The following ADAMTS14 variants were observed in gnomAD, a reference collection of about 807,000 sequenced individuals.
ADAMTS14 encodes ADAM metallopeptidase with thrombospondin type 1 motif 14, also known as A disintegrin and metalloproteinase with thrombospondin motifs 14.
A neutral mutation model predicts 128.6 loss-of-function variants in ADAMTS14; 100 were observed. The ratio of observed to expected loss-of-function variants is 0.78; its 90% CI spans 0.66 to 0.92. The LOEUF (loss-of-function observed/expected upper bound fraction) is 0.92, where lower values mean the gene tolerates loss of function less well. ADAMTS14 is among the 40% of genes least tolerant of loss of function. The pLI, the probability that ADAMTS14 is intolerant of heterozygous loss-of-function variation, is 0.00. For synonymous variants in ADAMTS14, 665 were observed against 653.8 expected, an observed-to-expected ratio of 1.02 and a Z score of -0.26; for missense variants, 1,562 against 1,658.6, an observed-to-expected ratio of 0.94 and a Z score of 1.01.
chr10:70,737,737 G>T (rs938107403), intron 10 of ADAMTS14, among the ~76,000 whole-genome samples: 1 of 152,156 alleles, frequency 6.6e-6, no homozygotes, highest in Non-Finnish European at 1.5e-5. Flanking sequence ...TGTTTTCAAA[G>T]TTCCAGACCC....
At chr10:70,705,759 G>A (rs1475519395) in intron 3 of ADAMTS14, among the ~76,000 whole-genome samples, 1 of 152,198 alleles carries the variant, frequency 6.6e-6, no homozygotes, top group African/African-American at 2.4e-5. Context: ...CCATGGGATC[G>A]CCTGTCTTGA....
intron 16 of ADAMTS14, 58 bp from the exon 17 acceptor site, chr10:70,751,420 G>A (rs555995484): frequency 6.5e-7 from 1 of 1,548,772 alleles, no homozygotes; most frequent in Non-Finnish European, 8.8e-7. Flanking sequence ...TCCCCTCCCA[G>A]TGCATGCCGC....
In ADAMTS14 at chr10:70,702,420, G is replaced by C; in HGVS notation, c.631G>C (p.Ala211Pro). The change falls in exon 3 of 22, where the codon GCC (alanine) becomes CCC (proline). Residue 211 changes from alanine (A) to proline (P), a missense_variant. By Grantham distance (27) the Ala-to-Pro change is conservative. Coordinates refer to ENST00000373207, the MANE Select transcript of ADAMTS14 (RefSeq NM_080722.4). Reference protein sequence around the residue: ...GRTHVVYRREAVQQEWAEPDG... With the variant: ...GRTHVVYRREPVQQEWAEPDG... The stretch of plus-strand genomic sequence containing the variant: ...GACACATGTGGTGTACCGCCGGGAG[G>C]CCGTCCAGCAGGAGTGGGCAGAACC... 6.2e-7 allele frequency: 1 copy of C among 1,613,788 alleles called. No individual in the cohort carries two copies. The highest frequency in any genetic ancestry group is 1.1e-5 in the South Asian group (1 of 91,008).
At chr10:70,702,550 C>G in intron 3 of ADAMTS14, 82 bp downstream of exon 3, 1 of 1,489,368 alleles carries the variant, frequency 6.7e-7, no homozygotes, top group South Asian at 1.4e-5. Flanking sequence ...CTTAAGCTGT[C>G]CATGTCTGGC....
At chr10:70,695,695 G>T (rs189640145) in intron 2 of ADAMTS14, among the ~76,000 whole-genome samples, 1 of 152,254 alleles carries the variant, frequency 6.6e-6, no homozygotes, top group Non-Finnish European at 1.5e-5. Context: ...GGGTCTGGAA[G>T]TCAAACCCAG....
chr10:70,686,001 TTC>T (rs926598933), intron 2 of ADAMTS14, among the ~76,000 whole-genome samples: 26 of 152,332 alleles, frequency 1.7e-4, no homozygotes, highest in African/African-American at 6.0e-4. Flanking sequence ...CTTCTGGTGT[TTC>T]TCAGACTCAA....
In ADAMTS14 at chr10:70,760,579, C is replaced by G. The variant is rs1490396233; in HGVS notation, c.3398C>G (p.Pro1133Arg). Reference sequence around the variant, plus strand: ...CAGGACCCTGCAGATGCTGCAGAGCCTCCTGGAAAGCCAACGGGATCAGAG... The same window carrying G: ...CAGGACCCTGCAGATGCTGCAGAGCGTCCTGGAAAGCCAACGGGATCAGAG... Reference protein sequence around the residue: ...GPQDPADAAEPPGKPTGSEDH... With the variant: ...GPQDPADAAERPGKPTGSEDH... The change falls in exon 22 of 22, where the codon CCT becomes CGT. Residue 1133 changes from proline (P) to arginine (R), a missense_variant. Transcript: ENST00000373207. 69 of 1,613,726 alleles carry G rather than the reference C, an allele frequency of 4.3e-5. No individual in the cohort carries two copies. Among genetic ancestry groups the G allele is most frequent in the Non-Finnish European group, 5.7e-5 (67 of 1,179,904 alleles).
At chr10:70,718,221 T>G (rs569525811) in intron 4 of ADAMTS14, among the ~76,000 whole-genome samples, 1 of 152,210 alleles carries the variant, frequency 6.6e-6, no homozygotes, top group Non-Finnish European at 1.5e-5. Context: ...GAGCTCATCC[T>G]CCTTGACACG....
chr10:70,728,690 A>G (rs1201191865), intron 4 of ADAMTS14, among the ~76,000 whole-genome samples: 1 of 152,258 alleles, frequency 6.6e-6, no homozygotes, highest in African/African-American at 2.4e-5. Flanking sequence ...AAACTTGCCT[A>G]TGCCTGCCAG....
intron 11 of ADAMTS14, among the ~76,000 whole-genome samples, chr10:70,739,867 T>C (rs1841942106): frequency 6.6e-6 from 1 of 152,212 alleles, no homozygotes; most frequent in Non-Finnish European, 1.5e-5. Context: ...AATATAGCCG[T>C]ATAGTTAATA....
chr10:70,752,197 G>A lies in ADAMTS14; in HGVS notation c.2699G>A (p.Arg900His), dbSNP rs747059045. The A allele has an allele frequency of 6.2e-5, 100 of 1,613,640 alleles. No individual in the cohort carries two copies. The highest frequency in any genetic ancestry group is 1.6e-4 in the Middle Eastern group (1 of 6,078). Residue 900 changes from arginine (R) to histidine (H), a missense_variant, in exon 18 of 22, where the codon CGC (arginine) becomes CAC (histidine). By Grantham distance (29) the Arg-to-His change is conservative. Transcript: ENST00000373207. ...HKKRPKPIRR[R>H]CNQHPCSQPV... is the part of the protein sequence containing the mutation. ...AAGAGGCCCAAGCCCATCCGCCGGC[G>A]CTGCAACCAGCACCCGTGCTCTCAG...
intron 2 of ADAMTS14, among the ~76,000 whole-genome samples, chr10:70,676,824 A>C (rs59161953): frequency 0.046 from 6,998 of 152,274 alleles, 534 homozygotes; most frequent in African/African-American, 0.16. Context: ...TACAGTATCC[A>C]TGCAGGTAGA....
rs199765819 is a variant in ADAMTS14, at chr10:70,708,787, C to T, written c.870+9C>T. The T allele has an allele frequency of 4.9e-4, 742 of 1,522,214 alleles. 5 individuals carry two copies. In the African/African-American group the frequency reaches 9.3e-3, roughly 19 times the overall value. 94.3% of individuals were successfully genotyped at this position (1,522,214 alleles called of 1,614,324 possible). ...TCACCCTCATGAATATCGTGAGTGT[C>T]CATGTGTCCTAGGACTTGGGGGGAG... On this transcript the variant is annotated intron_variant, in intron 4 of 21. Transcript: ENST00000373207.
intron 2 of ADAMTS14, among the ~76,000 whole-genome samples, chr10:70,680,692 C>T (rs562093350): frequency 1.3e-5 from 2 of 152,114 alleles, no homozygotes; most frequent in Non-Finnish European, 2.9e-5. Context: ...TGGTTTATGG[C>T]AGGGCCTTAA....
chr10:70,750,013 C>A (rs1302425854), intron 16 of ADAMTS14, 28 bp downstream of exon 16: 1 of 1,607,256 alleles, frequency 6.2e-7, no homozygotes, highest in Admixed American at 1.7e-5. Flanking sequence ...CGGTGGCAAC[C>A]CCTGCCCACC....
chr10:70,735,831 C>A (rs10999499), intron 9 of ADAMTS14, among the ~76,000 whole-genome samples: 27,446 of 152,204 alleles, frequency 0.18, 3,095 homozygotes, highest in Non-Finnish European at 0.26. Flanking sequence ...CAGCTAGAGT[C>A]CCCTAGGAGA....
intron 4 of ADAMTS14, among the ~76,000 whole-genome samples, chr10:70,719,725 A>T (rs1255511740): frequency 6.6e-6 from 1 of 152,210 alleles, no homozygotes; most frequent in African/African-American, 2.4e-5. Flanking sequence ...GTTTTAAACT[A>T]ACAGATGCCA....
In ADAMTS14 at chr10:70,709,212, G is replaced by A. The variant is rs895537089; in HGVS notation, c.870+434G>A. Among the ~76,000 whole-genome samples, 6 of 152,270 alleles carry A rather than the reference G, an allele frequency of 3.9e-5. No homozygotes were observed. In the South Asian group the frequency reaches 1.0e-3, roughly 26 times the overall value. ...CACCCCCAGGCTGGGGAGACTGGCC[G>A]AGGAGCTGTCAATATGTGAAGTGGG... is the stretch of plus-strand genomic sequence containing the variant. On this transcript the variant is annotated intron_variant, in intron 4 of 21. Coordinates refer to ENST00000373207, the MANE Select transcript of ADAMTS14 (RefSeq NM_080722.4).
At chr10:70,726,851 G>A (rs571747236) in intron 4 of ADAMTS14, among the ~76,000 whole-genome samples, 5 of 151,624 alleles carry the variant, frequency 3.3e-5, no homozygotes, top group South Asian at 4.2e-4. Context: ...TTGTCTCTAC[G>A]CATTGGAGCA....
Sources: allele counts gnomAD v4.1 joint callset (sites outside exome capture counted in the v4.1 genomes callset), GRCh38; gene constraint gnomAD v4.1.1; transcripts MANE v1.5; gene names NCBI Gene and HGNC (gene_info 2026-07-23, HGNC 2026-07-21).